SV2C: variants seen among roughly 807,000 people sequenced by gnomAD.
SV2C encodes the protein synaptic vesicle glycoprotein 2C.
In SV2C, 49 loss-of-function variants were observed where a neutral mutation model predicts 79.7. The observed-to-expected ratio is 0.61, with a 90% CI of 0.49 to 0.78. The LOEUF is 0.78. Ranked by LOEUF, SV2C falls within the 30% of genes least tolerant of loss-of-function variation. The pLI, the probability that SV2C is intolerant of heterozygous loss-of-function variation, is 0.00. For missense variants in SV2C, 833 were observed against 912.9 expected (o/e 0.91, Z 1.13); for synonymous variants, 334 against 333.2 (o/e 1.00, Z -0.03).
chr5:75,860,160 G>A, the SV2C span, among the ~76,000 whole-genome samples: 1 of 152,050 alleles, frequency 6.6e-6, no homozygotes, highest in Non-Finnish European at 1.5e-5. Flanking sequence ...CTGTCAAAAG[G>A]CTCCTGGAAC....
chr5:76,278,017 T>A (rs1477794356), intron 4 of SV2C, among the ~76,000 whole-genome samples: 3 of 152,162 alleles, frequency 2.0e-5, no homozygotes, highest in African/African-American at 7.2e-5. Flanking sequence ...ACAAATAAAG[T>A]TTTACTCTAT....
At chr5:75,885,934 TATTGG>T in the SV2C span, among the ~76,000 whole-genome samples, 3 of 152,132 alleles carry the variant, frequency 2.0e-5, no homozygotes, top group African/African-American at 7.2e-5. Flanking sequence ...GACAAGAAGC[TATTGG>T]ATTTCAGTAC....
chr5:76,148,447 C>G (rs1043209302), intron 2 of SV2C, among the ~76,000 whole-genome samples: 1 of 152,068 alleles, frequency 6.6e-6, no homozygotes, highest in African/African-American at 2.4e-5. Flanking sequence ...TCTGGGCTTC[C>G]TTTTTCTCTC....
At chr5:76,013,653 C>A in the SV2C span, among the ~76,000 whole-genome samples, 6 of 151,812 alleles carry the variant, frequency 4.0e-5, no homozygotes, top group Non-Finnish European at 7.4e-5. Context: ...GTACCCTAAA[C>A]ATAGTGAAAA....
chr5:76,351,415 G>A (rs246799), intron 12 of SV2C, among the ~76,000 whole-genome samples: 1 of 151,838 alleles, frequency 6.6e-6, no homozygotes, highest in South Asian at 2.1e-4. Context: ...ACCACTGCAC[G>A]CCAGCCTGGA....
At chr5:76,195,131 T>G (rs755539417) in intron 3 of SV2C, 32 bp downstream of exon 3, 16 of 1,602,678 alleles carry the variant, frequency 1.0e-5, no homozygotes, top group Non-Finnish European at 1.3e-5. Flanking sequence ...TTTATAGTAA[T>G]GTGTTTATTC....
chr5:75,938,338 G>A, the SV2C span, among the ~76,000 whole-genome samples: 6 of 152,144 alleles, frequency 3.9e-5, no homozygotes, highest in Admixed American at 2.6e-4. Flanking sequence ...TTCACCAAAA[G>A]ACATGCACAA....
At chr5:76,103,159 C>G (rs1332630533) in intron 1 of SV2C, among the ~76,000 whole-genome samples, 10 of 152,040 alleles carry the variant, frequency 6.6e-5, no homozygotes, top group Admixed American at 6.6e-4. Context: ...TTTAATGGGT[C>G]TCTAAAGTTG....
At chr5:76,155,183 A>C (rs1742682576) in intron 2 of SV2C, among the ~76,000 whole-genome samples, 1 of 152,224 alleles carries the variant, frequency 6.6e-6, no homozygotes, top group East Asian at 1.9e-4. Context: ...AAACAAAAAG[A>C]AAGGCAGTTG....
chr5:75,938,029 T>C, the SV2C span, among the ~76,000 whole-genome samples: 28 of 152,272 alleles, frequency 1.8e-4, 1 homozygote, highest in African/African-American at 6.5e-4. Context: ...TTGCTGTCTG[T>C]GTGTGAACTG....
chr5:75,961,851 T>C, the SV2C span, among the ~76,000 whole-genome samples: 1 of 152,172 alleles, frequency 6.6e-6, no homozygotes, highest in East Asian at 1.9e-4. Context: ...AATTGATGAG[T>C]GTCTCTGGAA....
At chr5:76,172,118 G>A (rs1743304808) in intron 2 of SV2C, among the ~76,000 whole-genome samples, 2 of 36,784 alleles carry the variant, frequency 5.4e-5, no homozygotes, top group South Asian at 1.1e-3. Flanking sequence ...GAGGTGGGGG[G>A]GTCAGCCCTC....
the SV2C span, among the ~76,000 whole-genome samples, chr5:75,984,586 T>TCTAC: frequency 2.4e-5 from 3 of 122,784 alleles, no homozygotes; most frequent in African/African-American, 8.6e-5. Context: ...TATCTATCTA[T>TCTAC]CTATCTATCT....
At position 76,291,804 on chromosome 5, in the gene SV2C, G is replaced by A. The variant is rs949014228; in HGVS notation, c.1285G>A (p.Val429Ile). 2 of 1,610,932 alleles carry A rather than the reference G, an allele frequency of 1.2e-6. No individual in the cohort carries two copies. Among genetic ancestry groups the A allele is most frequent in the Non-Finnish European group, 1.7e-6 (2 of 1,178,224 alleles). ...TTTTATGAGATGTTTCAACTACCCAGTCAGGGATAATACAATAAAGCTTAC... is the reference window on the plus strand; with the variant it reads ...TTTTATGAGATGTTTCAACTACCCAATCAGGGATAATACAATAAAGCTTAC... Reference protein sequence around the residue: ...LTFMRCFNYPVRDNTIKLTIV... With the variant: ...LTFMRCFNYPIRDNTIKLTIV... Residue 429 changes from valine to isoleucine, a missense_variant, in exon 8 of 13, where the codon GTC (valine) becomes ATC (isoleucine). By Grantham distance (29) the Val-to-Ile change is conservative. Transcript: ENST00000502798.
intron 4 of SV2C, among the ~76,000 whole-genome samples, chr5:76,278,518 C>T (rs923034589): frequency 6.6e-6 from 1 of 152,214 alleles, no homozygotes; most frequent in African/African-American, 2.4e-5. Context: ...TAGGGGACAA[C>T]ATTGAAAACC....
chr5:76,194,861 TACA>T, intron 2 of SV2C, 55 bp from the exon 3 acceptor site: 1 of 1,576,996 alleles, frequency 6.3e-7, no homozygotes, highest in Middle Eastern at 1.9e-4. Flanking sequence ...CACTTGCTGT[TACA>T]TGTGTCATTG....
the SV2C span, among the ~76,000 whole-genome samples, chr5:76,060,318 G>A: frequency 6.6e-6 from 1 of 152,166 alleles, no homozygotes; most frequent in East Asian, 1.9e-4. Context: ...CCAAGAGAAG[G>A]CTGTTTTCGT....
At chr5:76,203,269 G>A (rs1337017898) in intron 3 of SV2C, among the ~76,000 whole-genome samples, 1 of 152,152 alleles carries the variant, frequency 6.6e-6, no homozygotes, top group African/African-American at 2.4e-5. Flanking sequence ...AACTGGTGAT[G>A]TGCCTGGCCC....
the SV2C span, among the ~76,000 whole-genome samples, chr5:76,017,670 A>C: frequency 1.1e-4 from 17 of 152,184 alleles, no homozygotes; most frequent in African/African-American, 4.1e-4. Context: ...TTATTTAACC[A>C]ACACAAAAAT....
Sources: allele counts gnomAD v4.1 joint callset (sites outside exome capture counted in the v4.1 genomes callset), GRCh38; gene constraint gnomAD v4.1.1; transcripts MANE v1.5; gene names NCBI Gene and HGNC (gene_info 2026-07-23, HGNC 2026-07-21).